POU6F2: variants seen among roughly 807,000 people sequenced by gnomAD.
POU6F2 encodes the protein POU domain, class 6, transcription factor 2.
In POU6F2, 31 loss-of-function variants were observed where a neutral mutation model predicts 71.3. The observed-to-expected ratio is 0.43, with a 90% CI of 0.33 to 0.59. The LOEUF (loss-of-function observed/expected upper bound fraction) is 0.59. Among genes scored for constraint, POU6F2 ranks in the 20% least tolerant of loss-of-function variants. The pLI is 0.04. For missense variants in POU6F2, 783 were observed against 856.8 expected (o/e 0.91, Z 1.07); for synonymous variants, 347 against 355.7 (o/e 0.98, Z 0.27).
At chr7:39,180,331 C>T (rs972782085) in intron 2 of POU6F2, among the ~76,000 whole-genome samples, 10 of 152,090 alleles carry the variant, frequency 6.6e-5, no homozygotes, top group African/African-American at 2.4e-4. Flanking sequence ...GAAGGTAGAA[C>T]ATTCTATCTG....
intron 5 of POU6F2, among the ~76,000 whole-genome samples, chr7:39,350,452 T>C (rs1035249902): frequency 1.3e-5 from 2 of 152,140 alleles, no homozygotes; most frequent in African/African-American, 4.8e-5. Context: ...ATATAAATAA[T>C]CTTGAACTCC....
At chr7:39,130,580 A>G (rs1159935562) in intron 2 of POU6F2, among the ~76,000 whole-genome samples, 1 of 152,192 alleles carries the variant, frequency 6.6e-6, no homozygotes, top group African/African-American at 2.4e-5. Context: ...TCCTTCATAG[A>G]TTGTGTTTTT....
intron 4 of POU6F2, among the ~76,000 whole-genome samples, chr7:39,299,804 T>A (rs1446949430): frequency 1.3e-5 from 2 of 152,134 alleles, no homozygotes; most frequent in Non-Finnish European, 2.9e-5. Context: ...CAGGAAAGGC[T>A]CGGGAGAATT....
intron 8 of POU6F2, among the ~76,000 whole-genome samples, chr7:39,456,903 A>G (rs538428875): frequency 1.3e-5 from 2 of 152,338 alleles, no homozygotes; most frequent in Non-Finnish European, 2.9e-5. Context: ...TCCTGGTGGA[A>G]TAACTGTTTC....
rs143102998 is a variant in POU6F2, at chr7:39,187,305, C to T, written c.278-16930C>T. On this transcript the variant is annotated intron_variant, in intron 2 of 9. Coordinates refer to ENST00000518318, the MANE Select transcript of POU6F2 (RefSeq NM_001370959.1). ...CCTGCCTGGGGCTGGTGCTTAACCA[C>T]TGACAGGCATCCTGATGGAGGCTGT... 9.8e-5 allele frequency among the ~76,000 whole-genome samples: 15 copies of T among 152,352 alleles called. No homozygotes were observed. In the East Asian group the frequency reaches 1.7e-3, roughly 18 times the overall value.
chr7:39,221,422 G>A (rs983565659), intron 4 of POU6F2, among the ~76,000 whole-genome samples: 6 of 116,466 alleles, frequency 5.2e-5, no homozygotes, highest in Admixed American at 1.3e-4. Flanking sequence ...ACAGTGTCTC[G>A]CTCTGTCCTC....
intron 5 of POU6F2, among the ~76,000 whole-genome samples, chr7:39,372,520 G>A (rs1049514258): frequency 6.6e-6 from 1 of 152,196 alleles, no homozygotes; most frequent in East Asian, 1.9e-4. Context: ...CTCTGGCTAG[G>A]GGGAAGGTCA....
At chr7:39,159,177 CAAAAAAT>C (rs995329570) in intron 2 of POU6F2, among the ~76,000 whole-genome samples, 2 of 151,782 alleles carry the variant, frequency 1.3e-5, no homozygotes, top group African/African-American at 4.8e-5. Context: ...GATTCTGTCT[CAAAAAAT>C]AAAAAATAAA....
At chr7:39,434,893 CT>C (rs1222686020) in intron 7 of POU6F2, among the ~76,000 whole-genome samples, 4 of 152,092 alleles carry the variant, frequency 2.6e-5, no homozygotes, top group Non-Finnish European at 4.4e-5. Flanking sequence ...GTTTGGTTTT[CT>C]TTTCCTGTGT....
chr7:39,305,979 T>C (rs1785040201), intron 4 of POU6F2, among the ~76,000 whole-genome samples: 2 of 144,664 alleles, frequency 1.4e-5, no homozygotes, highest in South Asian at 4.5e-4. Flanking sequence ...AGAATAGCCC[T>C]TCTTACAATT....
intron 4 of POU6F2, among the ~76,000 whole-genome samples, chr7:39,291,403 T>A (rs893545732): frequency 6.6e-6 from 1 of 152,250 alleles, no homozygotes; most frequent in Admixed American, 6.5e-5. Context: ...TTATGACACA[T>A]AATTTTAGAT....
At chr7:39,173,844 C>G (rs184047824) in intron 2 of POU6F2, among the ~76,000 whole-genome samples, 2 of 152,298 alleles carry the variant, frequency 1.3e-5, no homozygotes, top group East Asian at 3.9e-4. Context: ...GTAGAGGGAA[C>G]CACAGGTTCT....
rs200462114 is a variant in POU6F2 at position 39,129,875 on chromosome 7, AAC to A, written c.277+43847_277+43848del. ...TCAGGAGATTGAAACCATCCTGGCT[AAC>A]ACGGTGTGAAATCCCGACTCTACTA... On this transcript the variant is annotated intron_variant, in intron 2 of 9. Transcript: ENST00000518318. 3.0e-3 allele frequency among the ~76,000 whole-genome samples: 455 copies of A among 152,102 alleles called. 1 individual carries two copies. Among genetic ancestry groups the A allele is most frequent in the African/African-American group, 0.01 (431 of 41,482 alleles).
chr7:39,444,397 A>T (rs1788476493), intron 7 of POU6F2, among the ~76,000 whole-genome samples: 2 of 152,318 alleles, frequency 1.3e-5, no homozygotes, highest in African/African-American at 4.8e-5. Context: ...CACCCTGGGT[A>T]ACATGGTGAA....
chr7:39,340,707 G>A (rs1312216789), intron 5 of POU6F2, among the ~76,000 whole-genome samples: 1 of 107,510 alleles, frequency 9.3e-6, no homozygotes, highest in Non-Finnish European at 2.0e-5. Context: ...AACCATGAGA[G>A]CTCATCTATA....
At chr7:39,328,520 TG>T (rs1317542584) in intron 4 of POU6F2, among the ~76,000 whole-genome samples, 1 of 152,186 alleles carries the variant, frequency 6.6e-6, no homozygotes, top group Non-Finnish European at 1.5e-5. Context: ...TCTCAGCCTA[TG>T]GCAAGAAACT....
chr7:39,278,624 C>T (rs545991323), intron 4 of POU6F2, among the ~76,000 whole-genome samples: 1 of 152,100 alleles, frequency 6.6e-6, no homozygotes, highest in Non-Finnish European at 1.5e-5. Context: ...GCTTGTCCCA[C>T]CCCTGTGTAA....
chr7:39,044,671 G>T (rs982118286), intron 1 of POU6F2, among the ~76,000 whole-genome samples: 1 of 152,132 alleles, frequency 6.6e-6, no homozygotes, highest in East Asian at 1.9e-4. Context: ...ACAGGTTGTT[G>T]TGGTTAGCAC....
At chr7:39,144,674 T>C (rs1027841421) in intron 2 of POU6F2, among the ~76,000 whole-genome samples, 1 of 152,264 alleles carries the variant, frequency 6.6e-6, no homozygotes, top group African/African-American at 2.4e-5. Context: ...TGGTGTTTAC[T>C]GCTTTCTAGT....
Sources: gnomAD v4.1 joint callset for allele counts (sites outside exome capture counted in the v4.1 genomes callset) on GRCh38, gnomAD v4.1.1 for gene constraint, MANE v1.5 for transcripts, NCBI Gene and HGNC (gene_info 2026-07-23, HGNC 2026-07-21) for gene names.